The following NOX4 variants were observed in gnomAD, a reference collection of about 807,000 sequenced individuals.
NOX4 encodes the protein NADPH oxidase 4, also known as kidney oxidase-1.
A neutral mutation model predicts 87.6 loss-of-function variants in NOX4; 69 were observed. The ratio of observed to expected loss-of-function variants is 0.79; its 90% CI spans 0.65 to 0.96. The LOEUF (loss-of-function observed/expected upper bound fraction) is 0.96, where lower values mean the gene tolerates loss of function less well. NOX4 is among the 40% of genes least tolerant of loss of function. NOX4 has a pLI of 0.00. For missense variants in NOX4, 680 were observed against 681.5 expected (o/e 1.00, Z 0.02); for synonymous variants, 275 against 238.2 (o/e 1.15, Z -1.42).
the NOX4 span, among the ~76,000 whole-genome samples, chr11:89,512,828 G>A: frequency 6.6e-6 from 1 of 151,998 alleles, no homozygotes; most frequent in Non-Finnish European, 1.5e-5. Flanking sequence ...GATTATACTT[G>A]CAGTTACTGG....
chr11:89,367,569 A>G (rs1361877557), intron 12 of NOX4, among the ~76,000 whole-genome samples: 2 of 152,066 alleles, frequency 1.3e-5, no homozygotes, highest in African/African-American at 4.8e-5. Flanking sequence ...CAGCAATCAT[A>G]GATCACTCCT....
chr11:89,513,041 C>T, the NOX4 span, among the ~76,000 whole-genome samples: 63 of 152,202 alleles, frequency 4.1e-4, no homozygotes, highest in African/African-American at 1.4e-3. Flanking sequence ...TCACATTCGG[C>T]TGGGTGCAGT....
chr11:89,566,638 G>A, the NOX4 span, among the ~76,000 whole-genome samples: 1 of 152,074 alleles, frequency 6.6e-6, no homozygotes, highest in African/African-American at 2.4e-5. Flanking sequence ...GAAACAGCAA[G>A]GAAAAGCATC....
intron 11 of NOX4, among the ~76,000 whole-genome samples, chr11:89,376,427 C>T (rs1231257348): frequency 2.0e-5 from 3 of 152,250 alleles, no homozygotes; most frequent in African/African-American, 7.2e-5. Context: ...TTCTCACTGT[C>T]TTTTTGTTTT....
At chr11:89,505,256 A>T in the NOX4 span, among the ~76,000 whole-genome samples, 8 of 152,026 alleles carry the variant, frequency 5.3e-5, no homozygotes, top group East Asian at 1.9e-4. Context: ...CACAAAATAC[A>T]TTAAGAGAAT....
At chr11:89,524,810 T>C in the NOX4 span, among the ~76,000 whole-genome samples, 3 of 152,122 alleles carry the variant, frequency 2.0e-5, no homozygotes, top group Admixed American at 2.0e-4. Flanking sequence ...ACATTAACAT[T>C]TTTGTGGTGA....
At chr11:89,504,840 C>T in the NOX4 span, among the ~76,000 whole-genome samples, 1 of 151,944 alleles carries the variant, frequency 6.6e-6, no homozygotes, top group Non-Finnish European at 1.5e-5. Flanking sequence ...GAAAGATCTT[C>T]TTGATACTGT....
chr11:89,589,020 T>C, the NOX4 span, among the ~76,000 whole-genome samples: 1 of 152,138 alleles, frequency 6.6e-6, no homozygotes, highest in Non-Finnish European at 1.5e-5. Context: ...ATACATATAA[T>C]TAACAGACAA....
At chr11:89,384,855 C>A (rs1368302948) in intron 11 of NOX4, among the ~76,000 whole-genome samples, 1 of 152,134 alleles carries the variant, frequency 6.6e-6, no homozygotes, top group Non-Finnish European at 1.5e-5. Context: ...ATTTCAGATA[C>A]CACACCTGAC....
chr11:89,372,662 C>T (rs1014904123), intron 12 of NOX4, among the ~76,000 whole-genome samples: 2 of 151,974 alleles, frequency 1.3e-5, no homozygotes, highest in Non-Finnish European at 2.9e-5. Flanking sequence ...TTAATCTACA[C>T]TTTTCTGGTT....
At chr11:89,392,303 T>C (rs1030959399) in intron 11 of NOX4, among the ~76,000 whole-genome samples, 2 of 152,156 alleles carry the variant, frequency 1.3e-5, no homozygotes, top group Non-Finnish European at 2.9e-5. Flanking sequence ...GCCTTCATAC[T>C]GAGGGCTCCC....
At position 89,367,362 on chromosome 11, in the gene NOX4, G is replaced by A. The variant is rs116317083; in HGVS notation, c.1135+6070C>T. Among the ~76,000 whole-genome samples, 453 of 152,150 alleles carry A rather than the reference G, an allele frequency of 3.0e-3. 2 individuals carry two copies. Among genetic ancestry groups the A allele is most frequent in the African/African-American group, 9.6e-3 (400 of 41,532 alleles). On this transcript the variant is annotated intron_variant, in intron 12 of 17. Coordinates refer to ENST00000263317, the MANE Select transcript of NOX4 (RefSeq NM_016931.5). ...GAAATGTAGAAACAGGAAGAATTTA[G>A]CAATAGGCCCATTTGCTATGTGCCT...
At chr11:89,500,319 G>A (rs1430309945), upstream of NOX4, among the ~76,000 whole-genome samples, 1 of 152,094 alleles carries the variant, frequency 6.6e-6, no homozygotes, top group Non-Finnish European at 1.5e-5. Flanking sequence ...TATGCTTCCT[G>A]TGGTCTTTCA....
the NOX4 span, among the ~76,000 whole-genome samples, chr11:89,584,708 G>T: frequency 1.3e-5 from 2 of 152,088 alleles, no homozygotes; most frequent in African/African-American, 2.4e-5. Flanking sequence ...AAAATGTGTA[G>T]TTCAAGAATT....
intron 11 of NOX4, among the ~76,000 whole-genome samples, chr11:89,387,439 T>C (rs540042): frequency 0.54 from 81,812 of 151,690 alleles, 23,216 homozygotes; most frequent in East Asian, 0.73. Flanking sequence ...AATGGCCCCA[T>C]CCCTGTCTCC....
chr11:89,424,400 T>G (rs1410192711), intron 7 of NOX4, among the ~76,000 whole-genome samples: 1 of 150,804 alleles, frequency 6.6e-6, no homozygotes, highest in Non-Finnish European at 1.5e-5. Context: ...AGTAGATATA[T>G]CTACTTTTTC....
chr11:89,375,959 A>C (rs1173099291), intron 11 of NOX4, among the ~76,000 whole-genome samples: 1 of 152,240 alleles, frequency 6.6e-6, no homozygotes, highest in African/African-American at 2.4e-5. Context: ...ATGCATTCTA[A>C]AATAAAATAC....
chr11:89,443,870 T>G, intron 5 of NOX4: 1 of 329,020 alleles, frequency 3.0e-6, no homozygotes, highest in South Asian at 6.0e-5. Context: ...CTGCTGGGAG[T>G]CAGAGGCAGA....
chr11:89,569,209 G>A, the NOX4 span, among the ~76,000 whole-genome samples: 6 of 149,530 alleles, frequency 4.0e-5, no homozygotes, highest in African/African-American at 1.2e-4. Context: ...AAATGGACAA[G>A]TAGGATCTAA....
Sources: gnomAD v4.1 joint callset for allele counts (sites outside exome capture counted in the v4.1 genomes callset) on GRCh38, gnomAD v4.1.1 for gene constraint, MANE v1.5 for transcripts, NCBI Gene and HGNC (gene_info 2026-07-23, HGNC 2026-07-21) for gene names.